ADGRL2: variants seen among roughly 807,000 people sequenced by gnomAD.
ADGRL2 encodes adhesion G protein-coupled receptor L2.
ADGRL2 carries 44 observed loss-of-function variants against 157.4 expected under a neutral mutation model. The observed-to-expected ratio is 0.28, with a 90% CI of 0.22 to 0.36. The LOEUF is 0.36. Ranked by LOEUF, ADGRL2 falls within the 10% of genes least tolerant of loss-of-function variation. The probability of loss-of-function intolerance (pLI) is 1.00; values close to 1 mark genes in which losing one functional copy is unlikely to be tolerated. For synonymous variants in ADGRL2, 585 were observed against 624.7 expected (o/e 0.94, Z 0.95); for missense variants, 1,510 against 1,768.9 (o/e 0.85, Z 2.63).
chr1:81,307,694 A>T (rs1659442008), intron 1 of ADGRL2, among the ~76,000 whole-genome samples: 1 of 152,200 alleles, frequency 6.6e-6, no homozygotes, highest in African/African-American at 2.4e-5. Context: ...TGGTATACTG[A>T]ATAGTTCTGA....
At chr1:81,949,381 T>C (rs1650999931) in intron 6 of ADGRL2, among the ~76,000 whole-genome samples, 1 of 152,220 alleles carries the variant, frequency 6.6e-6, no homozygotes, top group Non-Finnish European at 1.5e-5. Flanking sequence ...AAAATAACCT[T>C]TGAAAATAAT....
chr1:81,747,649 T>C (rs1363214385), intron 1 of ADGRL2, among the ~76,000 whole-genome samples: 1 of 151,932 alleles, frequency 6.6e-6, no homozygotes, highest in Non-Finnish European at 1.5e-5. Context: ...TAATATAGGA[T>C]GTATTCAACA....
intron 3 of ADGRL2, among the ~76,000 whole-genome samples, chr1:81,916,829 C>T (rs1257951141): frequency 3.3e-5 from 5 of 151,768 alleles, no homozygotes; most frequent in African/African-American, 9.7e-5. Flanking sequence ...AAATAAAATG[C>T]CTAGCTGTAT....
At chr1:81,646,714 G>A (rs566286574) in intron 3 of ADGRL2, among the ~76,000 whole-genome samples, 2 of 152,146 alleles carry the variant, frequency 1.3e-5, no homozygotes, top group African/African-American at 2.4e-5. Context: ...GAATAATAGA[G>A]GTCTTCCTAT....
intron 1 of ADGRL2, among the ~76,000 whole-genome samples, chr1:81,732,316 A>G (rs570073691): frequency 2.8e-4 from 42 of 152,350 alleles, no homozygotes; most frequent in African/African-American, 8.7e-4. Context: ...CAATAAATAT[A>G]TTTGAAATTA....
At chr1:81,978,797 A>G (rs1660856884) in intron 17 of ADGRL2, among the ~76,000 whole-genome samples, 1 of 151,838 alleles carries the variant, frequency 6.6e-6, no homozygotes, top group South Asian at 2.1e-4. Flanking sequence ...TAACACTGTT[A>G]TGCTGATTAT....
At chr1:81,768,157 T>TA (rs1440417102) in intron 2 of ADGRL2, among the ~76,000 whole-genome samples, 1 of 151,156 alleles carries the variant, frequency 6.6e-6, no homozygotes, top group East Asian at 2.0e-4. Context: ...GTGATCCTCC[T>TA]ACCTCAGCTT....
At position 81,900,048 on chromosome 1, in the gene ADGRL2, A is replaced by G. The variant is rs373584443; in HGVS notation, c.74-6969A>G. Among the ~76,000 whole-genome samples the G allele has an allele frequency of 2.8e-4, 42 of 152,236 alleles. No homozygotes were observed. In the South Asian group the frequency reaches 8.5e-3, roughly 31 times the overall value. ...GGTTTGAAATCTTAATTTCATTTTT[A>G]TTGGATATAACTGTAGAAAACTTAA... On this transcript the variant is annotated intron_variant, in intron 2 of 23. Transcript: ENST00000686636.
chr1:81,434,468 C>T (rs904428272), intron 1 of ADGRL2, among the ~76,000 whole-genome samples: 1 of 152,028 alleles, frequency 6.6e-6, no homozygotes, highest in Non-Finnish European at 1.5e-5. Context: ...ACCATAGGAA[C>T]TGCTCTTCTA....
intron 1 of ADGRL2, among the ~76,000 whole-genome samples, chr1:81,811,973 G>A (rs1204380155): frequency 6.6e-6 from 1 of 151,496 alleles, no homozygotes; most frequent in Non-Finnish European, 1.5e-5. Flanking sequence ...TGTCTTGGGT[G>A]ACTTTGTGAA....
At chr1:81,759,727 C>T (rs2085807706) in intron 1 of ADGRL2, among the ~76,000 whole-genome samples, 1 of 152,070 alleles carries the variant, frequency 6.6e-6, no homozygotes, top group African/African-American at 2.4e-5. Flanking sequence ...TTCCTTCATG[C>T]TTGGACATCT....
chr1:81,724,933 C>T (rs1345368811), intron 1 of ADGRL2, among the ~76,000 whole-genome samples: 3 of 152,038 alleles, frequency 2.0e-5, no homozygotes, highest in Non-Finnish European at 4.4e-5. Flanking sequence ...CAGCCGGGCA[C>T]GGTGGCTCAC....
At chr1:81,936,274 A>G (rs2095309295) in intron 3 of ADGRL2, among the ~76,000 whole-genome samples, 1 of 151,840 alleles carries the variant, frequency 6.6e-6, no homozygotes. Context: ...GTTGTCAAAA[A>G]CTTCCTGCTG....
At chr1:81,828,431 T>G (rs1395138932) in intron 1 of ADGRL2, among the ~76,000 whole-genome samples, 1 of 152,160 alleles carries the variant, frequency 6.6e-6, no homozygotes, top group Non-Finnish European at 1.5e-5. Flanking sequence ...AGATTTTTGC[T>G]TTTCTTTATA....
At chr1:81,746,860 G>A (rs1239051563) in intron 1 of ADGRL2, among the ~76,000 whole-genome samples, 5 of 127,422 alleles carry the variant, frequency 3.9e-5, no homozygotes, top group Admixed American at 7.4e-5. Context: ...ACGTGCACAC[G>A]TATACACGTA....
At chr1:81,387,625 A>G (rs2101092125) in intron 1 of ADGRL2, among the ~76,000 whole-genome samples, 1 of 152,252 alleles carries the variant, frequency 6.6e-6, no homozygotes, top group East Asian at 1.9e-4. Context: ...GAAGCCTTCA[A>G]TTTTAACTGC....
intron 3 of ADGRL2, among the ~76,000 whole-genome samples, chr1:81,623,872 T>G (rs1373816135): frequency 2.0e-5 from 3 of 152,020 alleles, no homozygotes; most frequent in Admixed American, 6.6e-5. Flanking sequence ...CCTGACTTCA[T>G]GATTGGCCCT....
intron 3 of ADGRL2, among the ~76,000 whole-genome samples, chr1:81,911,516 C>T (rs573924556): frequency 6.6e-6 from 1 of 152,250 alleles, no homozygotes; most frequent in Non-Finnish European, 1.5e-5. Flanking sequence ...ACCTGAAGAT[C>T]GTCCTGCCAA....
At position 81,985,230 on chromosome 1, in the gene ADGRL2, A is replaced by G. The variant is rs757227159; in HGVS notation, c.3412-29A>G. 3.8e-6 allele frequency: 5 copies of G among 1,324,464 alleles called. No homozygotes were observed. In the African/African-American group the frequency reaches 4.4e-5, roughly 12 times the overall value. The allele number at this position is 1,324,464 out of a possible 1,614,324, so 82.0% of individuals were successfully genotyped here. ...GTAAGTTTGGGGAAACTAACAAAAC[A>G]TATTTGTCTTGCTGTTTTGTATTAA... On this transcript the variant is annotated intron_variant, in intron 20 of 23. Coordinates refer to ENST00000686636, the MANE Select transcript of ADGRL2 (RefSeq NM_001366006.2).
Sources: allele counts gnomAD v4.1 joint callset (sites outside exome capture counted in the v4.1 genomes callset), GRCh38; gene constraint gnomAD v4.1.1; transcripts MANE v1.5; gene names NCBI Gene and HGNC (gene_info 2026-07-23, HGNC 2026-07-21).